Variants in LSAMP observed in about 807,000 individuals in gnomAD.
LSAMP encodes the protein limbic system associated membrane protein, also known as limbic system-associated membrane protein.
LSAMP carries 7 observed loss-of-function variants against 38.6 expected under a neutral mutation model. The ratio of observed to expected loss-of-function variants is 0.18; its 90% CI spans 0.10 to 0.34. The LOEUF (loss-of-function observed/expected upper bound fraction) is 0.34, where lower values mean the gene tolerates loss of function less well. LSAMP is among the 10% of genes least tolerant of loss of function. The pLI is 1.00. For missense variants in LSAMP, 313 were observed against 420.0 expected (o/e 0.75, Z 2.23); for synonymous variants, 154 against 166.8 (o/e 0.92, Z 0.59).
chr3:115,811,703 A>G (rs1270183184), intron 6 of LSAMP, among the ~76,000 whole-genome samples: 1 of 152,180 alleles, frequency 6.6e-6, no homozygotes, highest in Non-Finnish European at 1.5e-5. Context: ...GCCAAATTCC[A>G]TGGTCTCCTA....
At chr3:116,319,199 A>G (rs955726282) in intron 1 of LSAMP, among the ~76,000 whole-genome samples, 1 of 152,234 alleles carries the variant, frequency 6.6e-6, no homozygotes, top group Non-Finnish European at 1.5e-5. Context: ...ATGCAAATTA[A>G]ACTAAATTTA....
intron 1 of LSAMP, among the ~76,000 whole-genome samples, chr3:116,426,708 G>A (rs1330631045): frequency 6.6e-6 from 1 of 152,080 alleles, no homozygotes; most frequent in Non-Finnish European, 1.5e-5. Flanking sequence ...CATCATCTGT[G>A]GCTGCCTGTA....
intron 1 of LSAMP, among the ~76,000 whole-genome samples, chr3:116,398,248 T>C (rs1408929192): frequency 6.6e-6 from 1 of 152,154 alleles, no homozygotes; most frequent in African/African-American, 2.4e-5. Flanking sequence ...ACTGCTTAGT[T>C]AGATAATAAT....
intron 3 of LSAMP, among the ~76,000 whole-genome samples, chr3:115,874,442 A>G (rs1012005395): frequency 1.3e-5 from 2 of 152,114 alleles, no homozygotes; most frequent in Admixed American, 1.3e-4. Context: ...TGATTGTAGC[A>G]CAAATCAGGC....
intron 1 of LSAMP, among the ~76,000 whole-genome samples, chr3:116,097,867 C>T (rs1258691025): frequency 6.6e-6 from 1 of 151,982 alleles, no homozygotes; most frequent in East Asian, 1.9e-4. Context: ...TCACAAGTAG[C>T]TGGTGTTACA....
Position 115,979,006 on chromosome 3 carries a change from CAG to C in LSAMP, c.514+40507_514+40508del, listed in dbSNP as rs1198674913. ...TGGTAGAGTGGGAAACATTGTAAAA[CAG>C]AAAAAAAATCAATAAAACTGAGTTT... On this transcript the variant is annotated intron_variant, in intron 3 of 6. Transcript: ENST00000490035. 7.9e-5 allele frequency among the ~76,000 whole-genome samples: 12 copies of C among 151,628 alleles called. 1 individual carries two copies. In the East Asian group the frequency reaches 1.4e-3, roughly 17 times the overall value.
intron 1 of LSAMP, among the ~76,000 whole-genome samples, chr3:116,335,451 C>T (rs557310051): frequency 5.9e-5 from 9 of 152,090 alleles, no homozygotes; most frequent in African/African-American, 1.2e-4. Flanking sequence ...CTCGCCCTTC[C>T]GGGTTTCAAA....
At chr3:116,019,395 T>G (rs1039552830) in intron 3 of LSAMP, 120 bp downstream of exon 3, 12 of 1,257,658 alleles carry the variant, frequency 9.5e-6, no homozygotes, top group African/African-American at 1.5e-5. Context: ...GACCTTCTGA[T>G]TCAACAGAAT....
intron 4 of LSAMP, among the ~76,000 whole-genome samples, chr3:115,849,446 G>A (rs1035448321): frequency 6.6e-6 from 1 of 151,484 alleles, no homozygotes; most frequent in African/African-American, 2.4e-5. Flanking sequence ...AGTCAAGGAA[G>A]TGCTGATGGG....
intron 1 of LSAMP, among the ~76,000 whole-genome samples, chr3:116,185,158 T>C (rs1710584788): frequency 6.6e-6 from 1 of 151,808 alleles, no homozygotes; most frequent in Non-Finnish European, 1.5e-5. Flanking sequence ...TTTTACACAT[T>C]TACACATACC....
chr3:116,385,920 T>TTACTACTAC (rs71616351), intron 1 of LSAMP, among the ~76,000 whole-genome samples: 4,789 of 150,998 alleles, frequency 0.032, 265 homozygotes, highest in African/African-American at 0.11. Context: ...ATTATTGACA[T>TTACTACTAC]TACTACTACT....
intron 1 of LSAMP, among the ~76,000 whole-genome samples, chr3:116,298,935 C>T (rs1480621593): frequency 6.6e-6 from 1 of 151,988 alleles, no homozygotes; most frequent in Admixed American, 6.6e-5. Flanking sequence ...GGGTATTTGC[C>T]AAACACTTAA....
chr3:115,832,780 A>G (rs940291507), intron 6 of LSAMP, among the ~76,000 whole-genome samples: 3 of 152,212 alleles, frequency 2.0e-5, no homozygotes, highest in African/African-American at 7.2e-5. Context: ...TATTGGATCT[A>G]AGAAAGCTAA....
intron 1 of LSAMP, among the ~76,000 whole-genome samples, chr3:116,102,864 ATATTT>A (rs1708379005): frequency 6.6e-6 from 1 of 152,200 alleles, no homozygotes. Context: ...TTTTAACAAA[ATATTT>A]TAAGTAAGCT....
rs183410897 is a variant in LSAMP, at chr3:115,803,598, A to T, written c.*6719T>A. 3.9e-5 allele frequency: 6 copies of T among 152,250 alleles called. No homozygotes were observed. The East Asian group carries it at 1.2e-3, about 29-fold the overall frequency. 9.4% of individuals were successfully genotyped at this position (152,250 alleles called of 1,614,324 possible). ...ACTGTCTTCAACTCTGTAACCTCCT[A>T]AATTGTGTTTATTTTTGTTTTATTT... On this transcript the variant is annotated 3_prime_UTR_variant, in exon 7 of 7. Transcript: ENST00000490035.
intron 3 of LSAMP, among the ~76,000 whole-genome samples, chr3:116,005,397 C>T (rs79683182): frequency 0.025 from 3,851 of 152,214 alleles, 71 homozygotes; most frequent in Non-Finnish European, 0.039. Flanking sequence ...AGCCCTTTAT[C>T]CCATCCCAGT....
rs192588707 is a variant in LSAMP at position 116,124,697 on chromosome 3, A to G, written c.156-38141T>C. Reference sequence around the variant, plus strand: ...ATAAATATTCTCCATTAAACTTTAAAACTGCAGAATATGTGGAATTAAGAT... The same window carrying G: ...ATAAATATTCTCCATTAAACTTTAAGACTGCAGAATATGTGGAATTAAGAT... On this transcript the variant is annotated intron_variant, in intron 1 of 6. Coordinates refer to ENST00000490035, the MANE Select transcript of LSAMP (RefSeq NM_002338.5). 5.1e-4 allele frequency among the ~76,000 whole-genome samples: 77 copies of G among 152,156 alleles called. 1 individual carries two copies. Among genetic ancestry groups the G allele is most frequent in the Non-Finnish European group, 5.3e-4 (36 of 68,026 alleles).
chr3:116,123,261 G>A (rs1253805508), intron 1 of LSAMP, among the ~76,000 whole-genome samples: 1 of 152,144 alleles, frequency 6.6e-6, no homozygotes, highest in Non-Finnish European at 1.5e-5. Context: ...AAGAAGTTTT[G>A]GGAAAGTGGC....
At chr3:115,964,856 A>G (rs1012639874) in intron 3 of LSAMP, among the ~76,000 whole-genome samples, 1 of 152,158 alleles carries the variant, frequency 6.6e-6, no homozygotes, top group Non-Finnish European at 1.5e-5. Flanking sequence ...TTTAGGCATA[A>G]AATCACAAAA....
Sources: allele counts gnomAD v4.1 joint callset (sites outside exome capture counted in the v4.1 genomes callset), GRCh38; gene constraint gnomAD v4.1.1; transcripts MANE v1.5; gene names NCBI Gene and HGNC (gene_info 2026-07-23, HGNC 2026-07-21).